Variants in ANKRD29 observed in about 807,000 individuals in gnomAD.
The protein encoded by ANKRD29 is ankyrin repeat domain-containing protein 29.
In ANKRD29, 32 loss-of-function variants were observed where a neutral mutation model predicts 38.0. The ratio of observed to expected loss-of-function variants is 0.84; its 90% confidence interval spans 0.64 to 1.13. The LOEUF (loss-of-function observed/expected upper bound fraction) is 1.13, where lower values mean the gene tolerates loss of function less well. ANKRD29 is among the 50% of genes most tolerant of loss of function. The pLI is 0.00. For missense variants in ANKRD29, 357 were observed against 377.9 expected (o/e 0.94, Z 0.46); for synonymous variants, 135 against 152.4 (o/e 0.89, Z 0.84).
At position 23,648,713 on chromosome 18, in the gene ANKRD29, G is replaced by A. The variant is rs530907857; in HGVS notation, c.132+370C>T. 17 of 397,698 alleles carry A rather than the reference G, an allele frequency of 4.3e-5. No homozygotes were observed. The South Asian group carries it at 9.7e-4, about 23-fold the overall frequency. The allele number at this position is 397,698 out of a possible 1,614,324, so 24.6% of individuals were successfully genotyped here. ...CTCATCCTTGTAGAAGAAACATAAC[G>A]CCCACATCCATGGCAGCCCACTTGT... On this transcript the variant is annotated intron_variant, in intron 2 of 9. Transcript: ENST00000592179.
intron 5 of ANKRD29, among the ~76,000 whole-genome samples, chr18:23,633,092 C>T (rs865862713): frequency 6.6e-6 from 1 of 152,168 alleles, no homozygotes; most frequent in African/African-American, 2.4e-5. Context: ...CAAGTCTATT[C>T]ATCTCCCTAT....
chr18:23,660,341 T>C (rs2060343307), intron 1 of ANKRD29, among the ~76,000 whole-genome samples: 1 of 152,264 alleles, frequency 6.6e-6, no homozygotes, highest in South Asian at 2.1e-4. Flanking sequence ...GGGCCATTTG[T>C]AAACTTCTTG....
At chr18:23,631,587 C>T (rs918412912) in intron 5 of ANKRD29, among the ~76,000 whole-genome samples, 2 of 152,064 alleles carry the variant, frequency 1.3e-5, no homozygotes, top group Non-Finnish European at 1.5e-5. Context: ...CAAGACAAAA[C>T]ACAAAAGAAC....
intron 1 of ANKRD29, among the ~76,000 whole-genome samples, chr18:23,659,837 G>A (rs949068035): frequency 2.6e-5 from 4 of 152,002 alleles, no homozygotes; most frequent in Admixed American, 6.6e-5. Flanking sequence ...TCGGCCAGGC[G>A]CGGTGGCCCA....
At position 23,637,872 on chromosome 18, in the gene ANKRD29, C is replaced by T. The variant is rs531695029; in HGVS notation, c.330+977G>A. Among the ~76,000 whole-genome samples the T allele has an allele frequency of 2.8e-4, 43 of 152,166 alleles. No homozygotes were observed. The South Asian group carries it at 3.3e-3, about 12-fold the overall frequency. The stretch of plus-strand genomic sequence containing the variant: ...TGAGCTGACAATTACAAAAATCTTA[C>T]GGCAGTTCAAATTCTGCTACTACAA... On this transcript the variant is annotated intron_variant, in intron 4 of 9. Coordinates refer to ENST00000592179, the MANE Select transcript of ANKRD29 (RefSeq NM_173505.4).
chr18:23,625,115 G>A (rs961275344), intron 6 of ANKRD29, among the ~76,000 whole-genome samples: 2 of 152,204 alleles, frequency 1.3e-5, no homozygotes, highest in African/African-American at 4.8e-5. Flanking sequence ...GAAGTTGGGA[G>A]TCCAAGAGCT....
intron 3 of ANKRD29, among the ~76,000 whole-genome samples, chr18:23,643,118 G>T (rs2060098852): frequency 1.3e-5 from 2 of 152,170 alleles, no homozygotes; most frequent in Non-Finnish European, 2.9e-5. Context: ...CTAGGGTGCT[G>T]ATAACACCAC....
chr18:23,646,095 A>G (rs2060135940), intron 3 of ANKRD29, 94 bp downstream of exon 3: 1 of 1,168,168 alleles, frequency 8.6e-7, no homozygotes, highest in South Asian at 1.4e-5. Context: ...GAGAAAAGCA[A>G]TGATGGCTCT....
In ANKRD29 at chr18:23,654,676, T is replaced by C. The variant is rs1279454912; in HGVS notation, c.22-5483A>G. 5.4e-5 allele frequency among the ~76,000 whole-genome samples: 8 copies of C among 146,896 alleles called. No homozygotes were observed. The East Asian group carries it at 1.2e-3, about 22-fold the overall frequency. ...GTCTGTTTGGGTCCAGAGTCTGAGA[T>C]CTTACATTTTACACCTTGTAGAAAA... On this transcript the variant is annotated intron_variant, in intron 1 of 9. Transcript: ENST00000592179.
intron 8 of ANKRD29, among the ~76,000 whole-genome samples, chr18:23,615,653 C>G (rs1002700376): frequency 6.6e-6 from 1 of 151,902 alleles, no homozygotes. Flanking sequence ...TTCAAGCGAT[C>G]CACCTGCCTC....
chr18:23,640,024 GACTGA>G (rs2060053483), intron 3 of ANKRD29, among the ~76,000 whole-genome samples: 1 of 152,192 alleles, frequency 6.6e-6, no homozygotes, highest in Non-Finnish European at 1.5e-5. Context: ...CATTTAATAA[GACTGA>G]ACTGTACACT....
At chr18:23,633,073 T>C (rs1344707563) in intron 5 of ANKRD29, among the ~76,000 whole-genome samples, 1 of 152,180 alleles carries the variant, frequency 6.6e-6, no homozygotes, top group Admixed American at 6.5e-5. Context: ...CTCTTCACCA[T>C]GAGACTGTCA....
At chr18:23,638,990 T>A in intron 3 of ANKRD29, 43 bp from the exon 4 acceptor site, 1 of 1,443,950 alleles carries the variant, frequency 6.9e-7, no homozygotes, top group South Asian at 1.3e-5. Flanking sequence ...CATTTGGTTA[T>A]CTTACATTTG....
intron 2 of ANKRD29, chr18:23,646,922 G>A (rs1438469117): frequency 6.6e-6 from 1 of 152,366 alleles, no homozygotes; most frequent in Admixed American, 6.5e-5. Flanking sequence ...AGGACCTGAG[G>A]TGTACCATGT....
intron 6 of ANKRD29, among the ~76,000 whole-genome samples, chr18:23,621,474 C>A (rs2059796716): frequency 8.5e-6 from 1 of 117,514 alleles, no homozygotes; most frequent in South Asian, 2.6e-4. Context: ...GGAAGAGGTG[C>A]TGAAACAAAG....
At chr18:23,625,196 T>C (rs978405879) in intron 6 of ANKRD29, among the ~76,000 whole-genome samples, 2 of 151,952 alleles carry the variant, frequency 1.3e-5, no homozygotes, top group African/African-American at 4.8e-5. Context: ...TACCCTGCCC[T>C]GGAGCCTATT....
At chr18:23,656,079 C>T (rs1380456182) in intron 1 of ANKRD29, among the ~76,000 whole-genome samples, 3 of 138,762 alleles carry the variant, frequency 2.2e-5, no homozygotes, top group Admixed American at 1.5e-4. Flanking sequence ...GGCGACAGAG[C>T]GAGACTCCGT....
In ANKRD29 at chr18:23,612,930, A is replaced by G. The variant is rs7244196; in HGVS notation, c.724-740T>C. 1.0e-2 allele frequency among the ~76,000 whole-genome samples: 1,515 copies of G among 152,214 alleles called. 22 individuals carry two copies. The highest frequency in any genetic ancestry group is 0.035 in the African/African-American group (1,443 of 41,536). ...TAAGACATGGTTCTAGAGGGTACAT[A>G]TGTCCATAAATAGTACCTAATGCAA... On this transcript the variant is annotated intron_variant, in intron 8 of 9. Coordinates refer to ENST00000592179, the MANE Select transcript of ANKRD29 (RefSeq NM_173505.4).
At chr18:23,660,889 C>G (rs1028740632) in intron 1 of ANKRD29, among the ~76,000 whole-genome samples, 1 of 152,250 alleles carries the variant, frequency 6.6e-6, no homozygotes, top group South Asian at 2.1e-4. Flanking sequence ...TCTACCCACT[C>G]TCTTTCAAGC....
Sources: gnomAD v4.1 joint callset for allele counts (sites outside exome capture counted in the v4.1 genomes callset) on GRCh38, gnomAD v4.1.1 for gene constraint, MANE v1.5 for transcripts, NCBI Gene and HGNC (gene_info 2026-07-23, HGNC 2026-07-21) for gene names.